LAMA1: variants seen among roughly 807,000 people sequenced by gnomAD.
LAMA1 encodes the protein laminin subunit alpha 1.
In LAMA1, 219 loss-of-function variants were observed where a neutral mutation model predicts 348.7. That is an observed-to-expected ratio of 0.63 (90% CI 0.56 to 0.70). LAMA1 has a LOEUF of 0.70. Among genes scored for constraint, LAMA1 ranks in the 30% least tolerant of loss-of-function variants. The probability of loss-of-function intolerance (pLI) is 0.00; values close to 1 mark genes in which losing one functional copy is unlikely to be tolerated. For missense variants in LAMA1, 3,744 were observed against 3,888.0 expected (o/e 0.96, Z 0.99); for synonymous variants, 1,487 against 1,491.0 (o/e 1.00, Z 0.06).
intron 25 of LAMA1, 96 bp from the exon 26 acceptor site, chr18:7,010,481 T>C: frequency 2.6e-6 from 3 of 1,164,630 alleles, no homozygotes; most frequent in East Asian, 2.4e-5. Context: ...AAATCTTGTA[T>C]CTTAAAAATA....
intron 1 of LAMA1, 103 bp downstream of exon 1, chr18:7,117,557 G>C: frequency 8.0e-7 from 1 of 1,249,916 alleles, no homozygotes; most frequent in Non-Finnish European, 1.1e-6. Context: ...ATCAGGATGC[G>C]CGCCCGGACT....
At chr18:7,026,142 T>C (rs1276052723) in intron 16 of LAMA1, 36 bp from the exon 17 acceptor site, 6 of 1,603,492 alleles carry the variant, frequency 3.7e-6, no homozygotes, top group Non-Finnish European at 4.3e-6. Flanking sequence ...GCTCAGGTTG[T>C]CTTAAAGGAT....
At chr18:6,965,267 T>G in intron 50 of LAMA1, 21 bp downstream of exon 50, 1 of 1,614,128 alleles carries the variant, frequency 6.2e-7, no homozygotes. Context: ...CGACATCTGG[T>G]GAGTCCATCT....
In LAMA1 at chr18:7,050,741, T is replaced by C. The variant is rs1286517052; in HGVS notation, c.541A>G (p.Ile181Val). The C allele has an allele frequency of 1.2e-6, 2 of 1,613,980 alleles. No individual in the cohort carries two copies. The highest frequency in any genetic ancestry group is 4.5e-5 in the East Asian group (2 of 44,878). Residue 181 changes from isoleucine (I) to valine (V), a missense_variant, in exon 4 of 63, where the codon ATC becomes GTC. Physicochemically the swap from Ile to Val is conservative, Grantham distance 29. Coordinates refer to ENST00000389658, the MANE Select transcript of LAMA1 (RefSeq NM_005559.4). ...AATCTGGAATAATAGGAGGTGCAGA[T>C]CACTTCATCATCAGCCCTGTAGGTG... ...PPTYRADDEV[I>V]CTSYYSRLVP...
chr18:7,100,696 C>G (rs8091418), intron 1 of LAMA1, among the ~76,000 whole-genome samples: 84,887 of 151,450 alleles, frequency 0.56, 23,982 homozygotes, highest in East Asian at 0.73. Context: ...AAAACACTAA[C>G]CGAGAGAAGT....
chr18:7,027,915 C>T (rs2057951825), intron 16 of LAMA1, among the ~76,000 whole-genome samples: 1 of 152,128 alleles, frequency 6.6e-6, no homozygotes, highest in South Asian at 2.1e-4. Context: ...TGCACTCCAG[C>T]CTGGGCAACA....
At chr18:6,998,157 A>C (rs1184974277) in intron 32 of LAMA1, among the ~76,000 whole-genome samples, 2 of 152,166 alleles carry the variant, frequency 1.3e-5, no homozygotes, top group African/African-American at 4.8e-5. Flanking sequence ...AGCTGAGGCC[A>C]AGAGTGGCGC....
chr18:7,049,578 C>T (rs1411877602), intron 4 of LAMA1, among the ~76,000 whole-genome samples: 3 of 152,182 alleles, frequency 2.0e-5, no homozygotes, highest in Non-Finnish European at 4.4e-5. Context: ...GGATTATAGG[C>T]ATGAGCCACC....
At chr18:6,989,666 G>A (rs2057750190) in intron 36 of LAMA1, among the ~76,000 whole-genome samples, 4 of 151,550 alleles carry the variant, frequency 2.6e-5, no homozygotes, top group Admixed American at 1.3e-4. Context: ...AGAGGCCCTC[G>A]CCAATAGGGG....
At chr18:7,006,315 A>C (rs2057831546) in intron 29 of LAMA1, among the ~76,000 whole-genome samples, 1 of 152,166 alleles carries the variant, frequency 6.6e-6, no homozygotes, top group Non-Finnish European at 1.5e-5. Context: ...GTGGCTGAGA[A>C]GCAAACACAC....
intron 3 of LAMA1, among the ~76,000 whole-genome samples, chr18:7,066,849 A>AT (rs1451290952): frequency 6.6e-6 from 1 of 152,230 alleles, no homozygotes; most frequent in African/African-American, 2.4e-5. Flanking sequence ...ATTTTAAAAA[A>AT]TTTAAGCATT....
intron 1 of LAMA1, among the ~76,000 whole-genome samples, chr18:7,098,866 G>A (rs1345502583): frequency 7.5e-6 from 1 of 133,826 alleles, no homozygotes; most frequent in East Asian, 2.3e-4. Flanking sequence ...CCCCCGCCCG[G>A]CCAGCCGCCC....
At chr18:6,945,499 T>C (rs2057517736) in intron 61 of LAMA1, among the ~76,000 whole-genome samples, 2 of 152,142 alleles carry the variant, frequency 1.3e-5, no homozygotes, top group African/African-American at 2.4e-5. Context: ...GACTTTTTCC[T>C]TGCCTTCCAA....
At chr18:6,943,039 G>C (rs2057506400) in intron 62 of LAMA1, 141 bp downstream of exon 62, 1 of 736,254 alleles carries the variant, frequency 1.4e-6, no homozygotes, top group Non-Finnish European at 2.4e-6. Context: ...TTAGATATTT[G>C]AAATAGCCTT....
At chr18:7,047,386 C>A (rs1568045483) in intron 5 of LAMA1, among the ~76,000 whole-genome samples, 1 of 151,970 alleles carries the variant, frequency 6.6e-6, no homozygotes, top group Non-Finnish European at 1.5e-5. Flanking sequence ...TTGAACAAGA[C>A]CTTTTCAAAT....
chr18:6,943,458 T>C, intron 61 of LAMA1, 56 bp from the exon 62 acceptor site: 1 of 1,379,558 alleles, frequency 7.2e-7, no homozygotes, highest in Non-Finnish European at 1.0e-6. Flanking sequence ...AGTCCATTTG[T>C]ATAAGCTCTT....
chr18:7,080,283 T>C lies in LAMA1; in HGVS notation c.232+4A>G. On this transcript the variant is annotated splice_donor_region_variant and intron_variant, in intron 2 of 62. Transcript: ENST00000389658. ...AATTTCAGAAATAAAGGCGCGACAC[T>C]TGCCTCTGGGGTTTGCGCTGTTGCC... is the stretch of plus-strand genomic sequence containing the variant. 1 of 1,614,194 alleles carries C rather than the reference T, an allele frequency of 6.2e-7. No homozygotes were observed. The highest frequency in any genetic ancestry group is 8.5e-7 in the Non-Finnish European group (1 of 1,180,046).
intron 16 of LAMA1, among the ~76,000 whole-genome samples, chr18:7,027,470 T>C (rs979397554): frequency 6.6e-6 from 1 of 151,646 alleles, no homozygotes; most frequent in Admixed American, 6.6e-5. Context: ...GGTAAACTCC[T>C]AATTATTTCC....
At chr18:7,113,253 G>A (rs950691296) in intron 1 of LAMA1, among the ~76,000 whole-genome samples, 2 of 152,164 alleles carry the variant, frequency 1.3e-5, no homozygotes, top group African/African-American at 4.8e-5. Context: ...AGATGTGTCC[G>A]GCACTTAAGA....
Sources: gnomAD v4.1 joint callset for allele counts (sites outside exome capture counted in the v4.1 genomes callset) on GRCh38, gnomAD v4.1.1 for gene constraint, MANE v1.5 for transcripts, NCBI Gene and HGNC (gene_info 2026-07-23, HGNC 2026-07-21) for gene names.